The following GPHN variants were observed in gnomAD, a reference collection of about 807,000 sequenced individuals.
GPHN encodes the protein gephyrin.
A neutral mutation model predicts 95.5 loss-of-function variants in GPHN; 17 were observed. The ratio of observed to expected loss-of-function variants is 0.18; its 90% CI spans 0.12 to 0.27. The LOEUF is 0.27. GPHN is among the 10% of genes least tolerant of loss of function. The pLI is 1.00. For synonymous variants in GPHN, 320 were observed against 322.5 expected (o/e 0.99, Z 0.08); for missense variants, 660 against 978.1 (o/e 0.67, Z 4.34).
chr14:67,419,848 C>CA, the GPHN span, among the ~76,000 whole-genome samples: 13,293 of 131,726 alleles, frequency 0.1, 742 homozygotes, highest in African/African-American at 0.18. Context: ...GCCTCCGTCT[C>CA]AAAAAAAAAA....
chr14:67,557,251 G>C, the GPHN span: 1 of 1,609,818 alleles, frequency 6.2e-7, no homozygotes, highest in East Asian at 2.2e-5. Flanking sequence ...GACACTATGA[G>C]ATCATTGTAC....
At chr14:66,737,873 T>C (rs1217359222) in intron 2 of GPHN, among the ~76,000 whole-genome samples, 1 of 152,196 alleles carries the variant, frequency 6.6e-6, no homozygotes, top group Non-Finnish European at 1.5e-5. Flanking sequence ...TGGTCTGCTA[T>C]AGTACAAAAA....
the GPHN span, among the ~76,000 whole-genome samples, chr14:67,526,589 TAGTTTAA>T: frequency 2.0e-5 from 3 of 152,174 alleles, no homozygotes; most frequent in African/African-American, 7.2e-5. Flanking sequence ...AAAATATGCA[TAGTTTAA>T]AGTCTCCACT....
At chr14:67,468,722 C>T in the GPHN span, among the ~76,000 whole-genome samples, 6 of 152,106 alleles carry the variant, frequency 3.9e-5, no homozygotes, top group African/African-American at 1.2e-4. Context: ...GGCAAAACCC[C>T]GTCTCTACTA....
the GPHN span, among the ~76,000 whole-genome samples, chr14:67,299,872 C>A: frequency 6.6e-6 from 1 of 152,142 alleles, no homozygotes; most frequent in Non-Finnish European, 1.5e-5. Context: ...CATTTTTAAT[C>A]CAGAATTATC....
chr14:66,957,860 G>A (rs1380402657), intron 8 of GPHN, among the ~76,000 whole-genome samples: 4 of 152,090 alleles, frequency 2.6e-5, no homozygotes, highest in Admixed American at 2.0e-4. Flanking sequence ...TCAGATCAGT[G>A]GCAACATTAG....
chr14:66,656,324 C>A (rs368465998), intron 1 of GPHN, among the ~76,000 whole-genome samples: 36 of 152,184 alleles, frequency 2.4e-4, no homozygotes, highest in African/African-American at 7.2e-4. Flanking sequence ...TATTTGGTAG[C>A]CTGTTGTTCT....
the GPHN span, among the ~76,000 whole-genome samples, chr14:67,302,821 T>C: frequency 7.0e-6 from 1 of 143,222 alleles, no homozygotes; most frequent in Non-Finnish European, 1.6e-5. Context: ...TATAACTCAT[T>C]AATTCACTCA....
At chr14:67,311,885 A>G in the GPHN span, 2 of 152,582 alleles carry the variant, frequency 1.3e-5, no homozygotes, top group African/African-American at 4.8e-5. Flanking sequence ...TGCTTGTTTC[A>G]TGAACATATC....
chr14:66,713,682 A>G (rs2069888334), intron 2 of GPHN, among the ~76,000 whole-genome samples: 1 of 150,310 alleles, frequency 6.7e-6, no homozygotes, highest in South Asian at 2.1e-4. Flanking sequence ...TGATGGTGGT[A>G]TTTTGAATGG....
chr14:67,681,200 C>T, the GPHN span, among the ~76,000 whole-genome samples: 1 of 152,210 alleles, frequency 6.6e-6, no homozygotes, highest in Non-Finnish European at 1.5e-5. Flanking sequence ...CATGCGAGGG[C>T]TCAGAGAGAA....
the GPHN span, chr14:67,677,077 A>G: frequency 1.2e-4 from 18 of 152,208 alleles, no homozygotes; most frequent in Non-Finnish European, 2.2e-4. Context: ...CCCCCACCAA[A>G]GTTAAAATAT....
the GPHN span, among the ~76,000 whole-genome samples, chr14:67,287,502 T>TA: frequency 1.3e-5 from 2 of 152,210 alleles, no homozygotes; most frequent in East Asian, 3.8e-4. Context: ...CTATAACTTG[T>TA]AAAAATATGT....
intron 9 of GPHN, among the ~76,000 whole-genome samples, chr14:67,017,154 A>G (rs766896728): frequency 4.6e-5 from 7 of 152,130 alleles, no homozygotes; most frequent in Non-Finnish European, 8.8e-5. Context: ...TCTTCAGTTG[A>G]ATATGTGCTG....
At chr14:67,592,676 C>G in the GPHN span, 1 of 1,609,282 alleles carries the variant, frequency 6.2e-7, no homozygotes, top group Admixed American at 1.7e-5. Context: ...TGTGGTTCCA[C>G]TGGATCTTTC....
chr14:66,639,850 T>C (rs2064298485), intron 1 of GPHN, among the ~76,000 whole-genome samples: 1 of 152,152 alleles, frequency 6.6e-6, no homozygotes, highest in African/African-American at 2.4e-5. Flanking sequence ...TATATACATA[T>C]GAAATTTTGT....
intron 2 of GPHN, among the ~76,000 whole-genome samples, chr14:66,736,396 T>C (rs2072273379): frequency 7.4e-6 from 1 of 134,328 alleles, no homozygotes; most frequent in South Asian, 2.4e-4. Context: ...TCTTTCTTTT[T>C]TTTTTCTTTT....
chr14:67,205,574 A>G, the GPHN span, among the ~76,000 whole-genome samples: 1 of 152,242 alleles, frequency 6.6e-6, no homozygotes. Flanking sequence ...ATAAAAAACA[A>G]AACAAAGTGA....
At chr14:67,095,540 CAAT>C (rs1338164607) in intron 12 of GPHN, among the ~76,000 whole-genome samples, 1 of 152,078 alleles carries the variant, frequency 6.6e-6, no homozygotes, top group Non-Finnish European at 1.5e-5. Flanking sequence ...AAATGTCCAA[CAAT>C]GATAGACTGG....
Sources: allele counts gnomAD v4.1 joint callset (sites outside exome capture counted in the v4.1 genomes callset), GRCh38; gene constraint gnomAD v4.1.1; transcripts MANE v1.5; gene names NCBI Gene and HGNC (gene_info 2026-07-23, HGNC 2026-07-21).